Variants in BBS9 observed in about 807,000 individuals in gnomAD.
BBS9 encodes Bardet-Biedl syndrome 9.
In BBS9, 89 loss-of-function variants were observed where a neutral mutation model predicts 117.7. That is an observed-to-expected ratio of 0.76 (90% confidence interval 0.64 to 0.90). The LOEUF (loss-of-function observed/expected upper bound fraction) is 0.90, where lower values mean the gene tolerates loss of function less well. Among genes scored for constraint, BBS9 ranks in the 40% least tolerant of loss-of-function variants. The pLI, the probability that BBS9 is intolerant of heterozygous loss-of-function variation, is 0.00. For synonymous variants in BBS9, 379 were observed against 370.9 expected, an observed-to-expected ratio of 1.02 and a Z score of -0.25; for missense variants, 982 against 1,042.2, an observed-to-expected ratio of 0.94 and a Z score of 0.80.
At chr7:33,178,121 A>T (rs2128164413) in intron 5 of BBS9, among the ~76,000 whole-genome samples, 1 of 152,114 alleles carries the variant, frequency 6.6e-6, no homozygotes, top group East Asian at 1.9e-4. Flanking sequence ...TCTCCACTCT[A>T]CCCATATCTG....
Position 33,357,913 on chromosome 7 carries a change from A to C in BBS9, c.1611A>C (p.Pro537=), listed in dbSNP as rs140411078. ...FRLPLKLICL[P]GQPSKTASHK... The stretch of plus-strand genomic sequence containing the variant: ...TTCCCCTAAAGTTAATTTGCCTACC[A>C]GGTCAGCCTTCAAAAACTGCAAGCC... The change falls in exon 16 of 23, where the codon CCA becomes CCC. Residue 537 remains proline, a synonymous_variant. Coordinates refer to ENST00000242067, the MANE Select transcript of BBS9 (RefSeq NM_198428.3). The C allele has an allele frequency of 1.3e-4, 213 of 1,612,196 alleles. No homozygotes were observed. The highest frequency in any genetic ancestry group is 1.8e-4 in the Non-Finnish European group (210 of 1,178,646).
intron 19 of BBS9, among the ~76,000 whole-genome samples, chr7:33,401,003 C>T (rs1334626405): frequency 6.6e-6 from 1 of 152,168 alleles, no homozygotes; most frequent in Non-Finnish European, 1.5e-5. Flanking sequence ...CCAACTTTAC[C>T]ATGCTCCCAG....
intron 17 of BBS9, among the ~76,000 whole-genome samples, chr7:33,370,636 G>A (rs186261983): frequency 2.0e-5 from 3 of 152,048 alleles, no homozygotes; most frequent in Non-Finnish European, 2.9e-5. Context: ...CTATAATTTC[G>A]AGTGATTCAG....
At chr7:33,500,361 A>G (rs1234155280) in intron 19 of BBS9, among the ~76,000 whole-genome samples, 1 of 152,230 alleles carries the variant, frequency 6.6e-6, no homozygotes, top group East Asian at 1.9e-4. Flanking sequence ...TGAATATATA[A>G]TTTGTATATT....
chr7:33,436,795 C>T (rs1028981416), intron 19 of BBS9, among the ~76,000 whole-genome samples: 7 of 152,188 alleles, frequency 4.6e-5, no homozygotes, highest in Non-Finnish European at 2.9e-5. Flanking sequence ...ACTGATATCC[C>T]TAAATGTTAG....
intron 12 of BBS9, chr7:33,346,178 A>T (rs1817548830): frequency 4.6e-6 from 2 of 439,534 alleles, no homozygotes; most frequent in South Asian, 1.7e-5. Context: ...GACAGTTTCT[A>T]TACAAATTTC....
chr7:33,446,331 C>T (rs76921057), intron 19 of BBS9, among the ~76,000 whole-genome samples: 1 of 152,056 alleles, frequency 6.6e-6, no homozygotes, highest in Non-Finnish European at 1.5e-5. Context: ...CATAGTATTG[C>T]CATTTGGTTA....
intron 19 of BBS9, among the ~76,000 whole-genome samples, chr7:33,465,149 A>G (rs1839982722): frequency 6.6e-6 from 1 of 151,822 alleles, no homozygotes; most frequent in African/African-American, 2.4e-5. Context: ...GTTGTTTTGC[A>G]GCATGTAGAG....
chr7:33,386,634 G>C (rs1341279427), intron 18 of BBS9, among the ~76,000 whole-genome samples: 1 of 151,838 alleles, frequency 6.6e-6, no homozygotes, highest in African/African-American at 2.4e-5. Context: ...GGGACTACAG[G>C]TGCCCACCAC....
chr7:33,187,900 C>A (rs1030374859), intron 5 of BBS9, among the ~76,000 whole-genome samples: 1 of 151,638 alleles, frequency 6.6e-6, no homozygotes, highest in Non-Finnish European at 1.5e-5. Flanking sequence ...CCAGCCTGGG[C>A]GACAGAGCGA....
chr7:33,614,938 A>G (rs911015799), intron 21 of BBS9, among the ~76,000 whole-genome samples: 3 of 152,100 alleles, frequency 2.0e-5, no homozygotes, highest in African/African-American at 7.2e-5. Context: ...GTTTTAACAG[A>G]GCCTAACCAA....
intron 5 of BBS9, chr7:33,243,059 A>T (rs577745925): frequency 4.2e-5 from 21 of 504,454 alleles, no homozygotes; most frequent in Non-Finnish European, 6.7e-5. Context: ...CTAATAATGT[A>T]TGGACCACGT....
intron 19 of BBS9, among the ~76,000 whole-genome samples, chr7:33,428,798 T>G (rs963438269): frequency 7.2e-5 from 11 of 152,228 alleles, no homozygotes; most frequent in South Asian, 4.1e-4. Flanking sequence ...TATACATAAT[T>G]GTTTAATTAG....
intron 19 of BBS9, among the ~76,000 whole-genome samples, chr7:33,407,167 G>A (rs557476544): frequency 3.3e-5 from 5 of 151,860 alleles, no homozygotes; most frequent in African/African-American, 4.8e-5. Flanking sequence ...TTCCCTTCTC[G>A]CTTCATTTCG....
At chr7:33,270,311 T>C (rs565644553) in intron 7 of BBS9, among the ~76,000 whole-genome samples, 1 of 152,282 alleles carries the variant, frequency 6.6e-6, no homozygotes, top group East Asian at 1.9e-4. Context: ...AGTGTTTCCC[T>C]TCCTCTAAAT....
chr7:33,560,837 T>C (rs1425395231), intron 21 of BBS9, among the ~76,000 whole-genome samples: 2 of 152,220 alleles, frequency 1.3e-5, no homozygotes. Flanking sequence ...TTTTTTCCCT[T>C]AATGTTTAAC....
chr7:33,143,652 G>A (rs1323214049), intron 1 of BBS9, among the ~76,000 whole-genome samples: 1 of 151,774 alleles, frequency 6.6e-6, no homozygotes, highest in African/African-American at 2.4e-5. Flanking sequence ...TGCAACCTCC[G>A]CCTCCTGGGT....
chr7:33,436,047 T>A (rs1835260285), intron 19 of BBS9, among the ~76,000 whole-genome samples: 1 of 152,152 alleles, frequency 6.6e-6, no homozygotes, highest in Non-Finnish European at 1.5e-5. Context: ...GTATTTGTAG[T>A]CTTTTTTGTA....
intron 19 of BBS9, among the ~76,000 whole-genome samples, chr7:33,450,383 T>C (rs563453872): frequency 7.0e-4 from 107 of 152,346 alleles, no homozygotes; most frequent in African/African-American, 2.3e-3. Flanking sequence ...CTTTTGGATA[T>C]ATACCCAGAG....
Sources: allele counts gnomAD v4.1 joint callset (sites outside exome capture counted in the v4.1 genomes callset), GRCh38; gene constraint gnomAD v4.1.1; transcripts MANE v1.5; gene names NCBI Gene and HGNC (gene_info 2026-07-23, HGNC 2026-07-21).